The following CSMD1 variants were observed in gnomAD, a reference collection of about 807,000 sequenced individuals.
CSMD1 encodes CUB and sushi domain-containing protein 1.
In CSMD1, 213 loss-of-function variants were observed where a neutral mutation model predicts 417.5. The observed-to-expected ratio is 0.51, with a 90% CI of 0.46 to 0.57. CSMD1 has a LOEUF of 0.57. CSMD1 is among the 20% of genes least tolerant of loss of function. The probability of loss-of-function intolerance (pLI) is 0.00; values close to 1 mark genes in which losing one functional copy is unlikely to be tolerated. For missense variants in CSMD1, 6,923 were observed against 4,529.7 expected, an observed-to-expected ratio of 1.53 and a Z score of -15.17; for synonymous variants, 2,862 against 1,736.8, an observed-to-expected ratio of 1.65 and a Z score of -16.11.
intron 1 of CSMD1, among the ~76,000 whole-genome samples, chr8:4,804,155 C>A (rs1020388662): frequency 9.2e-5 from 14 of 152,046 alleles, no homozygotes; most frequent in African/African-American, 3.4e-4. Context: ...AACTAGATGC[C>A]CTTGTATTCT....
At chr8:4,227,767 A>C (rs535698478) in intron 3 of CSMD1, among the ~76,000 whole-genome samples, 10 of 150,918 alleles carry the variant, frequency 6.6e-5, no homozygotes, top group Non-Finnish European at 1.2e-4. Context: ...TCCTGCATTC[A>C]ATCCCAAACC....
chr8:4,708,981 T>C (rs1343395441), intron 1 of CSMD1, among the ~76,000 whole-genome samples: 1 of 152,140 alleles, frequency 6.6e-6, no homozygotes, highest in Non-Finnish European at 1.5e-5. Flanking sequence ...GATACCTCGA[T>C]CTTGGGCTTC....
intron 5 of CSMD1, among the ~76,000 whole-genome samples, chr8:3,762,964 T>C (rs1798092110): frequency 6.6e-6 from 1 of 152,202 alleles, no homozygotes; most frequent in South Asian, 2.1e-4. Context: ...CCCAACTCTC[T>C]TCAGATCTCA....
chr8:3,843,066 G>C (rs1803238784), intron 5 of CSMD1, among the ~76,000 whole-genome samples: 1 of 152,090 alleles, frequency 6.6e-6, no homozygotes, highest in Admixed American at 6.6e-5. Flanking sequence ...GTTGTAATGA[G>C]TTTCTATTTC....
At chr8:2,953,251 G>T (rs1802757539) in intron 65 of CSMD1, among the ~76,000 whole-genome samples, 1 of 152,042 alleles carries the variant, frequency 6.6e-6, no homozygotes, top group Non-Finnish European at 1.5e-5. Context: ...GCTTTAAAAA[G>T]CATTTTATAT....
intron 9 of CSMD1, among the ~76,000 whole-genome samples, chr8:3,579,449 A>G (rs1172922429): frequency 6.6e-6 from 1 of 152,236 alleles, no homozygotes; most frequent in African/African-American, 2.4e-5. Context: ...ATTCTAATTG[A>G]TTAAATTTAA....
chr8:4,274,156 T>C lies in CSMD1; in HGVS notation c.415+145797A>G, dbSNP rs1015562761. 2.3e-4 allele frequency among the ~76,000 whole-genome samples: 35 copies of C among 152,160 alleles called. 1 individual carries two copies. The highest frequency in any genetic ancestry group is 8.4e-4 in the African/African-American group (35 of 41,448). Reference sequence around the variant, plus strand: ...GAAGTGACTCTAATACTCACTAATGTATTTTTTTGCAAAGTTAAATTAGAC... The same window carrying C: ...GAAGTGACTCTAATACTCACTAATGCATTTTTTTGCAAAGTTAAATTAGAC... On this transcript the variant is annotated intron_variant, in intron 3 of 69. Transcript: ENST00000635120.
rs909962237 is a variant in CSMD1, at chr8:3,783,512, G to C, written c.819-29470C>G. Among the ~76,000 whole-genome samples the C allele has an allele frequency of 3.9e-5, 6 of 152,306 alleles. No homozygotes were observed. In the East Asian group the frequency reaches 7.7e-4, roughly 20 times the overall value. On this transcript the variant is annotated intron_variant, in intron 5 of 69. Coordinates refer to ENST00000635120, the MANE Select transcript of CSMD1 (RefSeq NM_033225.6). ...CAGTGCTGAGGAGGGGAAAGGACCT[G>C]AATCCTGTGCTGAGGGTGCTGCCCC... is the stretch of plus-strand genomic sequence containing the variant.
chr8:4,638,386 C>T (rs1802975338), intron 1 of CSMD1, among the ~76,000 whole-genome samples: 2 of 152,130 alleles, frequency 1.3e-5, no homozygotes, highest in Admixed American at 1.3e-4. Flanking sequence ...TGGCAAATGT[C>T]TTACTGGGCA....
At chr8:3,759,100 T>C (rs936270142) in intron 5 of CSMD1, among the ~76,000 whole-genome samples, 1 of 152,258 alleles carries the variant, frequency 6.6e-6, no homozygotes, top group African/African-American at 2.4e-5. Flanking sequence ...ATTTCTAATC[T>C]ATTTACTGAA....
At chr8:3,219,856 T>A (rs771238201) in intron 28 of CSMD1, among the ~76,000 whole-genome samples, 2 of 152,192 alleles carry the variant, frequency 1.3e-5, no homozygotes, top group Non-Finnish European at 2.9e-5. Context: ...AATACTGGAA[T>A]TTTGAAAATA....
intron 5 of CSMD1, among the ~76,000 whole-genome samples, chr8:3,840,480 A>G (rs916799724): frequency 6.6e-6 from 1 of 152,168 alleles, no homozygotes; most frequent in East Asian, 1.9e-4. Context: ...GGCATTCAAT[A>G]AATCATTGAC....
At chr8:3,136,106 T>G (rs745568595) in intron 41 of CSMD1, among the ~76,000 whole-genome samples, 3 of 152,096 alleles carry the variant, frequency 2.0e-5, no homozygotes, top group African/African-American at 7.2e-5. Context: ...CCCCCCCTCA[T>G]GCATTACATC....
chr8:4,380,195 C>A (rs1238855818), intron 3 of CSMD1, among the ~76,000 whole-genome samples: 6 of 152,200 alleles, frequency 3.9e-5, no homozygotes, highest in Admixed American at 1.3e-4. Context: ...CTCCCAGTTA[C>A]TTCTTTCCAG....
intron 1 of CSMD1, among the ~76,000 whole-genome samples, chr8:4,690,613 G>C (rs548630077): frequency 1.3e-5 from 2 of 152,282 alleles, no homozygotes; most frequent in East Asian, 3.9e-4. Context: ...TTGTTCCTCA[G>C]TCATGTGAAT....
At chr8:3,512,350 T>C (rs900203230) in intron 10 of CSMD1, among the ~76,000 whole-genome samples, 2 of 152,288 alleles carry the variant, frequency 1.3e-5, no homozygotes, top group Middle Eastern at 3.4e-3. Context: ...TCTCCCCTAA[T>C]ACAGACTTCA....
Position 4,533,085 on chromosome 8 carries a change from G to C in CSMD1, c.302+104257C>G, listed in dbSNP as rs576954004. ...TACTTTCTGCGTCAAAAGATTTTTT[G>C]GTTCTAGATACATCATATAAATGGC... On this transcript the variant is annotated intron_variant, in intron 2 of 69. Coordinates refer to ENST00000635120, the MANE Select transcript of CSMD1 (RefSeq NM_033225.6). Among the ~76,000 whole-genome samples the C allele has an allele frequency of 2.2e-4, 33 of 152,270 alleles. No individual in the cohort carries two copies. In the South Asian group the frequency reaches 6.0e-3, roughly 28 times the overall value.
chr8:3,621,090 A>G (rs1454106675), intron 7 of CSMD1, among the ~76,000 whole-genome samples: 7 of 152,230 alleles, frequency 4.6e-5, no homozygotes, highest in African/African-American at 1.4e-4. Flanking sequence ...GAAGAGAGTC[A>G]TCCACAAGAC....
intron 41 of CSMD1, among the ~76,000 whole-genome samples, chr8:3,134,228 G>T (rs1009062214): frequency 1.3e-5 from 2 of 152,120 alleles, no homozygotes; most frequent in Non-Finnish European, 1.5e-5. Context: ...GAAAGAAAGA[G>T]CTCTGCCAGT....
Sources: gnomAD v4.1 joint callset for allele counts (sites outside exome capture counted in the v4.1 genomes callset) on GRCh38, gnomAD v4.1.1 for gene constraint, MANE v1.5 for transcripts, NCBI Gene and HGNC (gene_info 2026-07-23, HGNC 2026-07-21) for gene names.